TENM3: variants seen among roughly 807,000 people sequenced by gnomAD.
The protein encoded by TENM3 is teneurin-3.
In TENM3, 63 loss-of-function variants were observed where a neutral mutation model predicts 255.1. The observed-to-expected ratio is 0.25, with a 90% CI of 0.20 to 0.30. The LOEUF (loss-of-function observed/expected upper bound fraction) is 0.30. Among genes scored for constraint, TENM3 ranks in the 10% least tolerant of loss-of-function variants. The probability of loss-of-function intolerance (pLI) is 1.00; values close to 1 mark genes in which losing one functional copy is unlikely to be tolerated. For synonymous variants in TENM3, 1,306 were observed against 1,322.3 expected (o/e 0.99, Z 0.27); for missense variants, 2,929 against 3,461.1 (o/e 0.85, Z 3.86).
chr4:181,675,158 T>TATC, the TENM3 span, among the ~76,000 whole-genome samples: 8 of 152,258 alleles, frequency 5.3e-5, no homozygotes, highest in South Asian at 1.7e-3. Flanking sequence ...TCAGAAATAT[T>TATC]ATCAAATCAA....
intron 1 of TENM3, among the ~76,000 whole-genome samples, chr4:182,263,063 G>A (rs1758960853): frequency 6.6e-6 from 1 of 152,012 alleles, no homozygotes; most frequent in Non-Finnish European, 1.5e-5. Context: ...GCCTCTCTTG[G>A]GGTCTGGATG....
At chr4:182,079,179 TG>T in the TENM3 span, among the ~76,000 whole-genome samples, 197 of 152,300 alleles carry the variant, frequency 1.3e-3, 1 homozygote, top group Non-Finnish European at 2.1e-3. Context: ...GAGGGTAGCT[TG>T]ATATTGAAAA....
the TENM3 span, among the ~76,000 whole-genome samples, chr4:181,882,673 C>T: frequency 6.6e-6 from 1 of 152,174 alleles, no homozygotes; most frequent in Non-Finnish European, 1.5e-5. Context: ...CCTAAGGTCT[C>T]CTCTAATTCT....
At chr4:182,288,859 C>A (rs1044737675) in intron 1 of TENM3, among the ~76,000 whole-genome samples, 1 of 152,080 alleles carries the variant, frequency 6.6e-6, no homozygotes, top group South Asian at 2.1e-4. Flanking sequence ...CACACCTATG[C>A]CGAAAAATAA....
chr4:182,348,175 A>G (rs2150682013), intron 3 of TENM3, among the ~76,000 whole-genome samples: 1 of 152,110 alleles, frequency 6.6e-6, no homozygotes, highest in East Asian at 1.9e-4. Context: ...TATATACTCA[A>G]TATCTTCATT....
chr4:181,795,731 G>A, the TENM3 span, among the ~76,000 whole-genome samples: 2 of 152,202 alleles, frequency 1.3e-5, no homozygotes, highest in Non-Finnish European at 2.9e-5. Flanking sequence ...CATGGCACAT[G>A]GGAAAGGAAG....
At chr4:182,288,623 A>C (rs1425130556) in intron 1 of TENM3, among the ~76,000 whole-genome samples, 1 of 152,222 alleles carries the variant, frequency 6.6e-6, no homozygotes, top group Non-Finnish European at 1.5e-5. Context: ...GTGTCAAATG[A>C]TTACACAGAC....
chr4:181,967,588 C>A, the TENM3 span, among the ~76,000 whole-genome samples: 538 of 152,252 alleles, frequency 3.5e-3, 2 homozygotes, highest in African/African-American at 0.012. Context: ...TGGGCATGTG[C>A]CTGCTTGATG....
intron 16 of TENM3, 84 bp from the exon 17 acceptor site, chr4:182,736,724 T>C (rs549318734): frequency 1.6e-6 from 2 of 1,271,592 alleles, no homozygotes; most frequent in Admixed American, 2.7e-5. Context: ...TTCACAAATA[T>C]AGTGAATATG....
chr4:181,967,219 C>G, the TENM3 span, among the ~76,000 whole-genome samples: 1 of 152,084 alleles, frequency 6.6e-6, no homozygotes, highest in Non-Finnish European at 1.5e-5. Context: ...ATACATGGGG[C>G]GCAGGTTTTG....
At chr4:181,720,597 A>T in the TENM3 span, among the ~76,000 whole-genome samples, 5 of 152,136 alleles carry the variant, frequency 3.3e-5, no homozygotes, top group Non-Finnish European at 2.9e-5. Flanking sequence ...GCATGTGTAC[A>T]TTTAAAACTA....
chr4:182,746,435 G>T (rs1762015780), intron 19 of TENM3, among the ~76,000 whole-genome samples: 1 of 152,190 alleles, frequency 6.6e-6, no homozygotes, highest in African/African-American at 2.4e-5. Flanking sequence ...AGCTGAGCAA[G>T]ACATGTTCTG....
the TENM3 span, among the ~76,000 whole-genome samples, chr4:181,495,409 A>C: frequency 6.6e-6 from 1 of 152,174 alleles, no homozygotes; most frequent in Non-Finnish European, 1.5e-5. Context: ...ACTTCTAAGC[A>C]TTCTCCTCTT....
intron 1 of TENM3, among the ~76,000 whole-genome samples, chr4:182,194,570 A>G (rs985193775): frequency 1.4e-4 from 21 of 152,244 alleles, no homozygotes; most frequent in African/African-American, 4.8e-4. Context: ...GCTGAAAAAC[A>G]TGAACCAAAA....
intron 3 of TENM3, among the ~76,000 whole-genome samples, chr4:182,504,524 C>T (rs1736624553): frequency 6.6e-6 from 1 of 152,140 alleles, no homozygotes; most frequent in African/African-American, 2.4e-5. Context: ...TTGGTGATGC[C>T]ACCCTCTGTG....
At chr4:182,783,373 G>T (rs1765340308) in intron 24 of TENM3, among the ~76,000 whole-genome samples, 2 of 152,090 alleles carry the variant, frequency 1.3e-5, no homozygotes, top group South Asian at 4.1e-4. Context: ...TAAGAATGTT[G>T]AATATTGGCC....
chr4:181,968,961 TG>T, the TENM3 span, among the ~76,000 whole-genome samples: 1 of 122,178 alleles, frequency 8.2e-6, no homozygotes, highest in South Asian at 2.8e-4. Context: ...ATACCTCTCT[TG>T]TCTCTCTCTC....
chr4:181,565,964 A>G, the TENM3 span, among the ~76,000 whole-genome samples: 3 of 152,194 alleles, frequency 2.0e-5, no homozygotes, highest in Non-Finnish European at 2.9e-5. Context: ...GACAGAAATT[A>G]ATCACATACA....
chr4:182,091,986 C>A, the TENM3 span, among the ~76,000 whole-genome samples: 1 of 152,154 alleles, frequency 6.6e-6, no homozygotes, highest in Non-Finnish European at 1.5e-5. Flanking sequence ...GTGCACCAGT[C>A]CTGTGACCTG....
Sources: gnomAD v4.1 joint callset for allele counts (sites outside exome capture counted in the v4.1 genomes callset) on GRCh38, gnomAD v4.1.1 for gene constraint, MANE v1.5 for transcripts, NCBI Gene and HGNC (gene_info 2026-07-23, HGNC 2026-07-21) for gene names.